Variants in CCDC15 observed in about 807,000 individuals in gnomAD.
CCDC15 encodes the protein coiled-coil domain-containing protein 15.
Under a neutral mutation model 114.5 loss-of-function variants are expected in CCDC15, and 105 were observed. The observed-to-expected ratio is 0.92, with a 90% CI of 0.78 to 1.08. The LOEUF is 1.08. CCDC15 is among the 50% of genes least tolerant of loss of function. The pLI is 0.00. For synonymous variants in CCDC15, 334 were observed against 377.8 expected (o/e 0.88, Z 1.34); for missense variants, 1,105 against 1,093.6 (o/e 1.01, Z -0.15).
chr11:125,038,942 C>G lies in CCDC15; in HGVS notation c.2607C>G (p.Ala869=). 1 of 1,612,886 alleles carries G rather than the reference C, an allele frequency of 6.2e-7. No homozygotes were observed. The highest frequency in any genetic ancestry group is 8.5e-7 in the Non-Finnish European group (1 of 1,179,256). Residue 869 remains alanine (A), a synonymous_variant, in exon 15 of 16, where the codon GCC becomes GCG. Coordinates refer to ENST00000344762, the MANE Select transcript of CCDC15 (RefSeq NM_025004.3). Reference sequence around the variant, plus strand: ...ACAGATATGTAGAAGCTTTACGAGCCCAAATCCAGGAGAAAATGCAGCTGT... The same window carrying G: ...ACAGATATGTAGAAGCTTTACGAGCGCAAATCCAGGAGAAAATGCAGCTGT... The part of the protein sequence containing the change: ...EYLRYVEALR[A]QIQEKMQLYN...
At chr11:125,018,726 T>G (rs1407049029) in intron 13 of CCDC15, among the ~76,000 whole-genome samples, 1 of 152,094 alleles carries the variant, frequency 6.6e-6, no homozygotes, top group African/African-American at 2.4e-5. Context: ...AAATATAGTA[T>G]GTACTCAGTA....
chr11:125,022,269 A>C lies in CCDC15; in HGVS notation c.2412-16162A>C, dbSNP rs79621079. 1.4e-4 allele frequency among the ~76,000 whole-genome samples: 21 copies of C among 151,926 alleles called. No individual in the cohort carries two copies. The East Asian group carries it at 3.7e-3, about 27-fold the overall frequency. On this transcript the variant is annotated intron_variant, in intron 13 of 15. Coordinates refer to ENST00000344762, the MANE Select transcript of CCDC15 (RefSeq NM_025004.3). ...TAGTGTACTCCTTTATATGCCTTTA[A>C]ATCTTTATCTTCACTAGTATAAAAG...
At chr11:124,986,385 G>T (rs900507560) in intron 6 of CCDC15, among the ~76,000 whole-genome samples, 5 of 152,166 alleles carry the variant, frequency 3.3e-5, no homozygotes, top group African/African-American at 1.2e-4. Context: ...TTCTGCCAAA[G>T]AAAAGCCAAG....
chr11:124,955,000 C>A, intron 2 of CCDC15, 91 bp downstream of exon 2: 1 of 1,112,802 alleles, frequency 9.0e-7, no homozygotes, highest in Non-Finnish European at 1.3e-6. Flanking sequence ...GATGAACAGT[C>A]CGAGGATGCT....
At chr11:125,022,599 T>C (rs1354012167) in intron 13 of CCDC15, among the ~76,000 whole-genome samples, 2 of 151,940 alleles carry the variant, frequency 1.3e-5, no homozygotes, top group Non-Finnish European at 2.9e-5. Context: ...TCAGCCTTTG[T>C]AGGATGTCTT....
chr11:125,008,881 T>C (rs1948569537), intron 13 of CCDC15, among the ~76,000 whole-genome samples: 1 of 152,030 alleles, frequency 6.6e-6, no homozygotes, highest in Non-Finnish European at 1.5e-5. Flanking sequence ...CCCAGTTGTC[T>C]TGACAAACTT....
intron 11 of CCDC15, among the ~76,000 whole-genome samples, chr11:124,999,854 C>CTTTTTTTTT (rs768089942): frequency 1.0e-4 from 7 of 70,120 alleles, no homozygotes; most frequent in Non-Finnish European, 1.3e-4. Context: ...GTATCCTAGA[C>CTTTTTTTTT]TTTTTTTTTT....
At chr11:124,966,396 T>C (rs934760063) in intron 4 of CCDC15, among the ~76,000 whole-genome samples, 1 of 152,214 alleles carries the variant, frequency 6.6e-6, no homozygotes, top group African/African-American at 2.4e-5. Flanking sequence ...CGTTATGTAA[T>C]GGCCTTGTCT....
intron 2 of CCDC15, among the ~76,000 whole-genome samples, chr11:124,958,902 T>C (rs894820036): frequency 7.2e-5 from 11 of 152,248 alleles, no homozygotes; most frequent in African/African-American, 2.7e-4. Context: ...TGTTAGGTTT[T>C]ATTTGGTTCA....
chr11:124,976,396 G>A (rs1335837793), intron 5 of CCDC15, among the ~76,000 whole-genome samples: 1 of 151,938 alleles, frequency 6.6e-6, no homozygotes, highest in Non-Finnish European at 1.5e-5. Context: ...AAGTGGGCGT[G>A]GATATGTGTC....
intron 4 of CCDC15, among the ~76,000 whole-genome samples, chr11:124,971,022 A>G (rs750564556): frequency 6.6e-6 from 1 of 152,144 alleles, no homozygotes; most frequent in Non-Finnish European, 1.5e-5. Context: ...ATATTACTAC[A>G]CAACCCTTGC....
chr11:125,011,236 A>T lies in CCDC15; in HGVS notation c.2411+6024A>T, dbSNP rs1383289320. On this transcript the variant is annotated intron_variant, in intron 13 of 15. Coordinates refer to ENST00000344762, the MANE Select transcript of CCDC15 (RefSeq NM_025004.3). The stretch of plus-strand genomic sequence containing the variant: ...TAATAGAAGTATTATTATTATTATT[A>T]TTATTATTATTATTTTTTAAGATGG... Among the ~76,000 whole-genome samples, 154 of 133,648 alleles carry T rather than the reference A, an allele frequency of 1.2e-3. 1 individual carries two copies. Among genetic ancestry groups the T allele is most frequent in the African/African-American group, 4.6e-3 (147 of 32,212 alleles). 87.7% of individuals were successfully genotyped at this position (133,648 alleles called of 152,430 possible). A position where few individuals can be genotyped will look rare whatever the true frequency, so the allele number is the denominator to read the frequency against.
intron 13 of CCDC15, among the ~76,000 whole-genome samples, chr11:125,016,238 T>C (rs924495380): frequency 3.9e-5 from 6 of 152,186 alleles, no homozygotes; most frequent in Admixed American, 2.6e-4. Context: ...GGCATCCCAC[T>C]AGTGAAAATA....
intron 13 of CCDC15, among the ~76,000 whole-genome samples, chr11:125,030,116 A>T (rs906284232): frequency 4.6e-5 from 7 of 152,186 alleles, no homozygotes; most frequent in African/African-American, 1.4e-4. Context: ...AACAGGAAGC[A>T]AAGATTTTGC....
At chr11:125,036,544 T>C (rs1180599495) in intron 13 of CCDC15, among the ~76,000 whole-genome samples, 1 of 152,142 alleles carries the variant, frequency 6.6e-6, no homozygotes, top group Non-Finnish European at 1.5e-5. Flanking sequence ...ATTATCCCTT[T>C]GAATAAACTT....
At chr11:125,009,214 C>A (rs374321089) in intron 13 of CCDC15, among the ~76,000 whole-genome samples, 1 of 103,050 alleles carries the variant, frequency 9.7e-6, no homozygotes. Context: ...GCAATAAGAG[C>A]GAAACTCCGT....
At chr11:125,010,007 A>C (rs148060676) in intron 13 of CCDC15, among the ~76,000 whole-genome samples, 39 of 152,264 alleles carry the variant, frequency 2.6e-4, no homozygotes, top group African/African-American at 9.4e-4. Context: ...CGTTGTACCA[A>C]ATTATGGGAT....
At chr11:125,007,069 CA>C (rs1364700791) in intron 13 of CCDC15, among the ~76,000 whole-genome samples, 6 of 152,286 alleles carry the variant, frequency 3.9e-5, no homozygotes, top group African/African-American at 1.4e-4. Context: ...CCTGTCATCT[CA>C]AACATTATGA....
At chr11:124,994,979 G>A (rs1365998247) in intron 11 of CCDC15, among the ~76,000 whole-genome samples, 3 of 152,220 alleles carry the variant, frequency 2.0e-5, no homozygotes, top group Non-Finnish European at 4.4e-5. Context: ...AGGAGGCAAA[G>A]AAGCAGAAAA....
Sources: allele counts gnomAD v4.1 joint callset (sites outside exome capture counted in the v4.1 genomes callset), GRCh38; gene constraint gnomAD v4.1.1; transcripts MANE v1.5; gene names NCBI Gene and HGNC (gene_info 2026-07-23, HGNC 2026-07-21).